Variants in GABRB1 observed in about 807,000 individuals in gnomAD.
GABRB1 encodes the protein gamma-aminobutyric acid receptor subunit beta-1.
A neutral mutation model predicts 51.6 loss-of-function variants in GABRB1; 17 were observed. The observed-to-expected ratio is 0.33, with a 90% CI of 0.23 to 0.49. The LOEUF (loss-of-function observed/expected upper bound fraction) is 0.49. Among genes scored for constraint, GABRB1 ranks in the 20% least tolerant of loss-of-function variants. The pLI is 0.99. For missense variants in GABRB1, 410 were observed against 600.6 expected (o/e 0.68, Z 3.32); for synonymous variants, 247 against 218.9 (o/e 1.13, Z -1.14).
chr4:47,212,829 C>T (rs764781221), intron 4 of GABRB1, among the ~76,000 whole-genome samples: 1 of 152,006 alleles, frequency 6.6e-6, no homozygotes, highest in Non-Finnish European at 1.5e-5. Context: ...CAATCCTGTC[C>T]CCAATATCCC....
intron 4 of GABRB1, among the ~76,000 whole-genome samples, chr4:47,248,398 A>T (rs1721848601): frequency 6.6e-6 from 1 of 152,046 alleles, no homozygotes; most frequent in East Asian, 1.9e-4. Context: ...TATCTTTTTG[A>T]TATGTTATTG....
At chr4:47,340,438 G>T (rs950929445) in intron 5 of GABRB1, among the ~76,000 whole-genome samples, 5 of 151,982 alleles carry the variant, frequency 3.3e-5, no homozygotes, top group Admixed American at 3.3e-4. Context: ...TGATACCTTC[G>T]AGGGGGTAGG....
intron 4 of GABRB1, among the ~76,000 whole-genome samples, chr4:47,192,146 T>C (rs1719463841): frequency 6.6e-6 from 1 of 152,000 alleles, no homozygotes; most frequent in Non-Finnish European, 1.5e-5. Context: ...GATGGAATCG[T>C]ACATTTGGGG....
chr4:47,123,911 T>TAA (rs1233651112), intron 3 of GABRB1, among the ~76,000 whole-genome samples: 1 of 59,248 alleles, frequency 1.7e-5, no homozygotes, highest in East Asian at 2.5e-4. Context: ...ATATTATATA[T>TAA]TAATATATGA....
intron 4 of GABRB1, among the ~76,000 whole-genome samples, chr4:47,291,953 C>T (rs973591978): frequency 9.9e-5 from 15 of 152,098 alleles, no homozygotes; most frequent in Non-Finnish European, 2.9e-5. Context: ...TGAGTTAAGA[C>T]TTTGAGGGAC....
chr4:46,994,116 A>G (rs796375012), intron 1 of GABRB1: 5 of 152,296 alleles, frequency 3.3e-5, no homozygotes, highest in African/African-American at 9.6e-5. Context: ...AAGCAGAAAG[A>G]TTCTTCCTGG....
intron 3 of GABRB1, among the ~76,000 whole-genome samples, chr4:47,102,248 A>G (rs1054768409): frequency 5.3e-5 from 8 of 151,940 alleles, no homozygotes; most frequent in Non-Finnish European, 1.0e-4. Flanking sequence ...AAAATGAAGA[A>G]TAATATTTTG....
At chr4:47,265,629 G>T (rs572858503) in intron 4 of GABRB1, among the ~76,000 whole-genome samples, 1 of 152,026 alleles carries the variant, frequency 6.6e-6, no homozygotes, top group South Asian at 2.1e-4. Flanking sequence ...TTAATAATAG[G>T]TGTTCTGACT....
intron 4 of GABRB1, among the ~76,000 whole-genome samples, chr4:47,258,428 A>G (rs555517454): frequency 9.3e-4 from 141 of 152,282 alleles, no homozygotes; most frequent in African/African-American, 2.8e-3. Context: ...ATTAGTTCCC[A>G]TCAAATTCTA....
chr4:47,277,490 C>A (rs953814472), intron 4 of GABRB1, among the ~76,000 whole-genome samples: 1 of 151,896 alleles, frequency 6.6e-6, no homozygotes, highest in Non-Finnish European at 1.5e-5. Flanking sequence ...CTTAATTGTA[C>A]CTTTTAAAAT....
chr4:47,195,453 AGATTAGAT>A (rs200293814), intron 4 of GABRB1, among the ~76,000 whole-genome samples: 96 of 83,356 alleles, frequency 1.2e-3, no homozygotes, highest in South Asian at 2.5e-3. Flanking sequence ...GATGATAGAT[AGATTAGAT>A]GATAGATAGA....
At chr4:47,355,444 T>A (rs1229613550) in intron 5 of GABRB1, among the ~76,000 whole-genome samples, 1 of 152,154 alleles carries the variant, frequency 6.6e-6, no homozygotes, top group Non-Finnish European at 1.5e-5. Flanking sequence ...CTTGATCATA[T>A]CCTTTCAGAA....
chr4:46,998,285 AT>A (rs1189686661), intron 1 of GABRB1, among the ~76,000 whole-genome samples: 11 of 152,226 alleles, frequency 7.2e-5, no homozygotes, highest in South Asian at 4.1e-4. Flanking sequence ...ATTATTAATT[AT>A]TTTTTTATAA....
chr4:47,290,369 G>T (rs762871784), intron 4 of GABRB1, among the ~76,000 whole-genome samples: 14 of 152,158 alleles, frequency 9.2e-5, no homozygotes, highest in Non-Finnish European at 1.6e-4. Flanking sequence ...TGATTGTGAG[G>T]CCTCCTCCAC....
At chr4:47,250,680 T>G (rs1442947479) in intron 4 of GABRB1, among the ~76,000 whole-genome samples, 1 of 152,212 alleles carries the variant, frequency 6.6e-6, no homozygotes, top group Non-Finnish European at 1.5e-5. Flanking sequence ...TTTGTTGGAT[T>G]GGATTAACTT....
intron 5 of GABRB1, among the ~76,000 whole-genome samples, chr4:47,386,118 T>G (rs974220788): frequency 6.6e-6 from 1 of 152,180 alleles, no homozygotes; most frequent in African/African-American, 2.4e-5. Flanking sequence ...CTCTGCTCTC[T>G]GGAGGTTGAG....
chr4:47,024,698 G>A (rs1010041213), intron 1 of GABRB1, among the ~76,000 whole-genome samples: 2 of 151,500 alleles, frequency 1.3e-5, no homozygotes, highest in East Asian at 3.9e-4. Flanking sequence ...GAACCCATTT[G>A]TAGTCTTTTA....
chr4:47,374,384 G>A (rs1057471267), intron 5 of GABRB1, among the ~76,000 whole-genome samples: 5 of 152,138 alleles, frequency 3.3e-5, no homozygotes, highest in African/African-American at 4.8e-5. Context: ...GAGAGACCCT[G>A]CCTCAGAAAA....
intron 4 of GABRB1, among the ~76,000 whole-genome samples, chr4:47,305,051 C>A (rs1160957427): frequency 6.6e-6 from 1 of 152,046 alleles, no homozygotes; most frequent in African/African-American, 2.4e-5. Flanking sequence ...AAGAAACCAA[C>A]ATTTTGTACT....
Sources: gnomAD v4.1 joint callset for allele counts (sites outside exome capture counted in the v4.1 genomes callset) on GRCh38, gnomAD v4.1.1 for gene constraint, MANE v1.5 for transcripts, NCBI Gene and HGNC (gene_info 2026-07-23, HGNC 2026-07-21) for gene names.